Variants in COL4A2 observed in about 807,000 individuals in gnomAD.
The protein encoded by COL4A2 is collagen alpha-2(IV) chain.
Under a neutral mutation model 200.2 loss-of-function variants are expected in COL4A2, and 99 were observed. The ratio of observed to expected loss-of-function variants is 0.49; its 90% CI spans 0.42 to 0.58. COL4A2 has a LOEUF of 0.58. COL4A2 is among the 20% of genes least tolerant of loss of function. The pLI, the probability that COL4A2 is intolerant of heterozygous loss-of-function variation, is 0.00. For synonymous variants in COL4A2, 897 were observed against 900.6 expected, an observed-to-expected ratio of 1.00 and a Z score of 0.07; for missense variants, 1,950 against 2,314.1, an observed-to-expected ratio of 0.84 and a Z score of 3.23.
intron 21 of COL4A2, 51 bp downstream of exon 21, chr13:110,457,486 C>A: frequency 1.9e-6 from 2 of 1,069,160 alleles, no homozygotes; most frequent in Non-Finnish European, 2.9e-6. Context: ...CTTTCCAAGT[C>A]CCTCACCTTA....
At chr13:110,505,591 G>A (rs914793226) in intron 45 of COL4A2, among the ~76,000 whole-genome samples, 4 of 152,092 alleles carry the variant, frequency 2.6e-5, no homozygotes, top group Admixed American at 2.6e-4. Context: ...GAAGGGGAGG[G>A]GACAATGGGA....
chr13:110,462,815 G>C (rs928560232), intron 24 of COL4A2, among the ~76,000 whole-genome samples: 1 of 152,150 alleles, frequency 6.6e-6, no homozygotes, highest in African/African-American at 2.4e-5. Flanking sequence ...TTCCTCAGGG[G>C]AGGCTGGGGT....
Position 110,457,422 on chromosome 13 carries a change from A to G in COL4A2, c.1419A>G (p.Pro473=). ...CCGGCTCCCCTGGAGCCCGCGGACCAAAGGGGTGGAAAGGTAAGAACATCT... is the reference window on the plus strand; with the variant it reads ...CCGGCTCCCCTGGAGCCCGCGGACCGAAGGGGTGGAAAGGTAAGAACATCT... ...GLPGSPGARG[P]KGWKGDAGEC... Residue 473 remains proline, a synonymous_variant, in exon 21 of 48, where the codon CCA becomes CCG. Coordinates refer to ENST00000360467, the MANE Select transcript of COL4A2 (RefSeq NM_001846.4). 6.3e-7 allele frequency: 1 copy of G among 1,597,922 alleles called. No individual in the cohort carries two copies. The highest frequency in any genetic ancestry group is 2.2e-5 in the East Asian group (1 of 44,774).
chr13:110,313,330 T>C (rs577491140), intron 3 of COL4A2, among the ~76,000 whole-genome samples: 1 of 152,304 alleles, frequency 6.6e-6, no homozygotes, highest in South Asian at 2.1e-4. Flanking sequence ...ATTTTTATTT[T>C]GGTTACCCCT....
At position 110,341,314 on chromosome 13, in the gene COL4A2, C is replaced by T. The variant is rs148648864; in HGVS notation, c.100-16158C>T. 5.1e-3 allele frequency among the ~76,000 whole-genome samples: 777 copies of T among 152,360 alleles called. 5 individuals are homozygous for T. Among genetic ancestry groups the T allele is most frequent in the African/African-American group, 0.018 (754 of 41,580 alleles). On this transcript the variant is annotated intron_variant, in intron 3 of 47. Transcript: ENST00000360467. The stretch of plus-strand genomic sequence containing the variant: ...CATGTTCCCACCCATAGCCAGAAAT[C>T]CCAGCTGCTGGCCGTCCAGCCCCTA...
chr13:110,312,139 G>A (rs1429823805), intron 3 of COL4A2, among the ~76,000 whole-genome samples: 1 of 152,208 alleles, frequency 6.6e-6, no homozygotes, highest in Non-Finnish European at 1.5e-5. Context: ...GAAAAGCACG[G>A]GGTTCCTCCT....
chr13:110,498,873 G>A (rs927484911), intron 40 of COL4A2, among the ~76,000 whole-genome samples: 1 of 152,172 alleles, frequency 6.6e-6, no homozygotes, highest in African/African-American at 2.4e-5. Context: ...GACCTGGACG[G>A]TGTCCCCGGC....
intron 45 of COL4A2, among the ~76,000 whole-genome samples, chr13:110,504,769 C>A (rs1883783104): frequency 6.6e-6 from 1 of 151,466 alleles, no homozygotes; most frequent in Admixed American, 6.6e-5. Flanking sequence ...CCATACCCAG[C>A]TAACTTTTTT....
intron 20 of COL4A2, 46 bp downstream of exon 20, chr13:110,450,500 T>A: frequency 6.2e-7 from 1 of 1,602,728 alleles, no homozygotes; most frequent in Non-Finnish European, 8.5e-7. Flanking sequence ...AATGTTCAGA[T>A]GAAGCCCGGT....
intron 38 of COL4A2, among the ~76,000 whole-genome samples, chr13:110,492,882 T>TG (rs1274016864): frequency 6.6e-6 from 1 of 152,198 alleles, no homozygotes; most frequent in Non-Finnish European, 1.5e-5. Context: ...GTTGAGCGTG[T>TG]GGCTTAGCTG....
intron 4 of COL4A2, among the ~76,000 whole-genome samples, chr13:110,404,847 T>C (rs534313364): frequency 6.6e-6 from 1 of 152,258 alleles, no homozygotes; most frequent in African/African-American, 2.4e-5. Flanking sequence ...TAAAATGAGT[T>C]GGGGCTGGGC....
chr13:110,380,686 A>C (rs1358014480), intron 4 of COL4A2, among the ~76,000 whole-genome samples: 3 of 135,472 alleles, frequency 2.2e-5, no homozygotes. Flanking sequence ...CACACCCATG[A>C]GCTCTATGTC....
At chr13:110,379,405 C>T (rs896096858) in intron 4 of COL4A2, among the ~76,000 whole-genome samples, 10 of 152,208 alleles carry the variant, frequency 6.6e-5, no homozygotes, top group Non-Finnish European at 1.0e-4. Context: ...AATTCCTTGG[C>T]ATGACCTTCC....
chr13:110,393,773 G>A (rs965986446), intron 4 of COL4A2, among the ~76,000 whole-genome samples: 4 of 152,146 alleles, frequency 2.6e-5, no homozygotes, highest in African/African-American at 7.2e-5. Context: ...CGGCTACTCA[G>A]GAGGCGGAAG....
At chr13:110,403,226 A>T (rs1879440841) in intron 4 of COL4A2, among the ~76,000 whole-genome samples, 1 of 152,224 alleles carries the variant, frequency 6.6e-6, no homozygotes, top group Non-Finnish European at 1.5e-5. Context: ...CTACCTGGAC[A>T]GTCTAAGAAT....
intron 40 of COL4A2, among the ~76,000 whole-genome samples, chr13:110,500,474 A>G (rs1379798912): frequency 1.3e-5 from 2 of 152,180 alleles, no homozygotes; most frequent in African/African-American, 4.8e-5. Context: ...AAGCTCCATT[A>G]GTGTCTTGTT....
intron 3 of COL4A2, among the ~76,000 whole-genome samples, chr13:110,345,719 TA>T (rs1876668678): frequency 6.6e-6 from 1 of 152,016 alleles, no homozygotes; most frequent in African/African-American, 2.4e-5. Context: ...CCATCTATAT[TA>T]GGGGTGGAGA....
At chr13:110,341,798 G>A (rs1876466604) in intron 3 of COL4A2, among the ~76,000 whole-genome samples, 1 of 152,134 alleles carries the variant, frequency 6.6e-6, no homozygotes, top group Non-Finnish European at 1.5e-5. Context: ...GGCTTTTGTT[G>A]TACTGTGGCA....
At chr13:110,352,129 A>G (rs993401406) in intron 3 of COL4A2, among the ~76,000 whole-genome samples, 1 of 152,230 alleles carries the variant, frequency 6.6e-6, no homozygotes, top group Admixed American at 6.5e-5. Context: ...TGATGATGGC[A>G]TGAAGGTGGT....
Sources: allele counts gnomAD v4.1 joint callset (sites outside exome capture counted in the v4.1 genomes callset), GRCh38; gene constraint gnomAD v4.1.1; transcripts MANE v1.5; gene names NCBI Gene and HGNC (gene_info 2026-07-23, HGNC 2026-07-21).